Variants in KCNH5 observed in about 807,000 individuals in gnomAD.
KCNH5 encodes voltage-gated delayed rectifier potassium channel KCNH5.
Under a neutral mutation model 96.1 loss-of-function variants are expected in KCNH5, and 46 were observed. The ratio of observed to expected loss-of-function variants is 0.48; its 90% confidence interval spans 0.38 to 0.61. The LOEUF (loss-of-function observed/expected upper bound fraction) is 0.61. KCNH5 is among the 20% of genes least tolerant of loss of function. KCNH5 has a pLI of 0.00. For missense variants in KCNH5, 907 were observed against 1,225.8 expected, an observed-to-expected ratio of 0.74 and a Z score of 3.88; for synonymous variants, 439 against 449.8, an observed-to-expected ratio of 0.98 and a Z score of 0.30.
chr14:62,839,683 A>G (rs10047877), intron 8 of KCNH5, among the ~76,000 whole-genome samples: 16,384 of 152,212 alleles, frequency 0.11, 1,112 homozygotes, highest in East Asian at 0.29. Context: ...TACATGGAAC[A>G]CACAGACCAT....
chr14:63,013,009 T>C (rs1304155573), intron 2 of KCNH5, among the ~76,000 whole-genome samples: 1 of 150,816 alleles, frequency 6.6e-6, no homozygotes, highest in African/African-American at 2.4e-5. Flanking sequence ...AAAAATAAAA[T>C]AAAATAAAGA....
At chr14:62,735,353 C>G (rs1595599364) in intron 10 of KCNH5, among the ~76,000 whole-genome samples, 1 of 152,240 alleles carries the variant, frequency 6.6e-6, no homozygotes, top group African/African-American at 2.4e-5. Context: ...CAGTGGGGAA[C>G]AGCAAGGCAA....
At chr14:63,018,349 A>G in intron 1 of KCNH5, among the ~76,000 whole-genome samples, 1 of 151,906 alleles carries the variant, frequency 6.6e-6, no homozygotes, top group East Asian at 1.9e-4. Context: ...CCTTTAATTG[A>G]TGGAGTGATA....
chr14:62,785,991 G>C (rs1402940713), intron 9 of KCNH5, among the ~76,000 whole-genome samples: 2 of 152,190 alleles, frequency 1.3e-5, no homozygotes, highest in Admixed American at 1.3e-4. Context: ...AGGAGTTTGA[G>C]ACCAGCCTGG....
chr14:62,974,933 C>A (rs1348633123), intron 6 of KCNH5, among the ~76,000 whole-genome samples: 6 of 152,202 alleles, frequency 3.9e-5, no homozygotes, highest in Non-Finnish European at 8.8e-5. Context: ...AGGAAACAAA[C>A]ACATACAAAT....
intron 7 of KCNH5, among the ~76,000 whole-genome samples, chr14:62,871,869 T>C (rs1888262217): frequency 1.3e-5 from 2 of 152,122 alleles, no homozygotes; most frequent in Non-Finnish European, 2.9e-5. Context: ...TCAGGAAGAA[T>C]AGGTAATTTG....
intron 6 of KCNH5, among the ~76,000 whole-genome samples, chr14:62,955,471 T>C (rs1890086370): frequency 6.6e-6 from 1 of 152,208 alleles, no homozygotes; most frequent in South Asian, 2.1e-4. Flanking sequence ...GTACCTATCA[T>C]TAAAGCATGG....
At chr14:63,042,455 G>A (rs1956673) in intron 1 of KCNH5, among the ~76,000 whole-genome samples, 36,900 of 151,848 alleles carry the variant, frequency 0.24, 5,159 homozygotes, top group East Asian at 0.43. Context: ...GAAGAAAATG[G>A]TATTGTATCA....
chr14:62,939,516 T>C (rs1889748027), intron 7 of KCNH5, among the ~76,000 whole-genome samples: 2 of 152,176 alleles, frequency 1.3e-5, no homozygotes, highest in African/African-American at 4.8e-5. Flanking sequence ...TGCACCTTTT[T>C]CCTATTTTAG....
intron 8 of KCNH5, among the ~76,000 whole-genome samples, chr14:62,824,957 CTGTATAGTTTCCCATGG>C (rs1887191746): frequency 6.6e-6 from 1 of 151,950 alleles, no homozygotes; most frequent in Non-Finnish European, 1.5e-5. Context: ...TTTTTTATGG[CTGTATAGTTTCCCATGG>C]TGTATATGTA....
intron 9 of KCNH5, among the ~76,000 whole-genome samples, chr14:62,783,610 G>C (rs1210106265): frequency 6.6e-6 from 1 of 151,914 alleles, no homozygotes; most frequent in Non-Finnish European, 1.5e-5. Flanking sequence ...CAATGCTTTT[G>C]ACTCAGTATT....
rs1388801685 is a variant in KCNH5, at chr14:63,019,140, T to C, written c.74-2186A>G. Among the ~76,000 whole-genome samples the C allele has an allele frequency of 4.0e-5, 6 of 151,584 alleles. No individual in the cohort carries two copies. The East Asian group carries it at 9.7e-4, about 24-fold the overall frequency. On this transcript the variant is annotated intron_variant, in intron 1 of 10. Coordinates refer to ENST00000322893, the MANE Select transcript of KCNH5 (RefSeq NM_139318.5). ...AGAGCACACATGTTATTGGACGATA[T>C]GATAGCTAAAATTTTTCCAGATAGA...
At chr14:62,811,555 A>G (rs1404707775) in intron 8 of KCNH5, among the ~76,000 whole-genome samples, 1 of 152,184 alleles carries the variant, frequency 6.6e-6, no homozygotes, top group Admixed American at 6.6e-5. Flanking sequence ...TACAGTATAG[A>G]CACAGCTTTC....
rs374202650 is a variant in KCNH5 at position 62,981,273 on chromosome 14, G to C, written c.550-9C>G. 38 of 1,613,132 alleles carry C rather than the reference G, an allele frequency of 2.4e-5. No individual in the cohort carries two copies. The highest frequency in any genetic ancestry group is 3.2e-5 in the Non-Finnish European group (38 of 1,179,658). ...GATCCCAGCTGAAGAACCTAAAAGA[G>C]AGAAAATGTATTTATACATGACTAG... On this transcript the variant is annotated splice_polypyrimidine_tract_variant and intron_variant, in intron 5 of 10. Coordinates refer to ENST00000322893, the MANE Select transcript of KCNH5 (RefSeq NM_139318.5).
At chr14:62,791,959 G>A (rs1176596749) in intron 9 of KCNH5, among the ~76,000 whole-genome samples, 1 of 151,398 alleles carries the variant, frequency 6.6e-6, no homozygotes, top group East Asian at 1.9e-4. Flanking sequence ...ATTGCAATTG[G>A]CTCATAAACT....
chr14:62,718,279 C>A (rs1884728743), intron 10 of KCNH5, among the ~76,000 whole-genome samples: 1 of 151,822 alleles, frequency 6.6e-6, no homozygotes, highest in Non-Finnish European at 1.5e-5. Context: ...GCATATCTAC[C>A]CCCGAATTTA....
intron 10 of KCNH5, among the ~76,000 whole-genome samples, chr14:62,709,312 GA>G (rs1884520040): frequency 6.8e-6 from 1 of 147,524 alleles, no homozygotes; most frequent in Non-Finnish European, 1.5e-5. Flanking sequence ...TAAGTGTACT[GA>G]AAACTTACAC....
rs1884388832 is a variant in KCNH5 at position 62,704,135 on chromosome 14, T to C, written c.*3373A>G. On this transcript the variant is annotated 3_prime_UTR_variant, in exon 11 of 11. Coordinates refer to ENST00000322893, the MANE Select transcript of KCNH5 (RefSeq NM_139318.5). ...GTCACAACTAATTTTCCTATTAAAG[T>C]GTTGAGTACAACAGAAGTACACATT... 1 of 151,908 alleles carries C rather than the reference T, an allele frequency of 6.6e-6. No homozygotes were observed. The highest frequency in any genetic ancestry group is 6.6e-5 in the Admixed American group (1 of 15,236). The allele number at this position is 151,908 out of a possible 1,614,324, so 9.4% of individuals were successfully genotyped here.
At chr14:62,830,542 C>T (rs1022581497) in intron 8 of KCNH5, among the ~76,000 whole-genome samples, 6 of 152,060 alleles carry the variant, frequency 3.9e-5, no homozygotes, top group South Asian at 2.1e-4. Context: ...GGAGAGTAAG[C>T]GAGCAAGAGG....
Sources: gnomAD v4.1 joint callset for allele counts (sites outside exome capture counted in the v4.1 genomes callset) on GRCh38, gnomAD v4.1.1 for gene constraint, MANE v1.5 for transcripts, NCBI Gene and HGNC (gene_info 2026-07-23, HGNC 2026-07-21) for gene names.